The following KGD4 variants were observed in gnomAD, a reference collection of about 807,000 sequenced individuals.
The protein encoded by KGD4 is alpha-ketoglutarate dehydrogenase subunit 4, also known as alpha-ketoglutarate dehydrogenase component 4.
At chr5:69,217,784 C>A in the KGD4 span, 6 of 1,612,244 alleles carry the variant, frequency 3.7e-6, no homozygotes, top group East Asian at 6.7e-5. Flanking sequence ...CTCCAGTGAT[C>A]GCCGCGGCTC....
At chr5:69,223,037 A>G in the KGD4 span, among the ~76,000 whole-genome samples, 1 of 140,746 alleles carries the variant, frequency 7.1e-6, no homozygotes, top group Non-Finnish European at 1.5e-5. Flanking sequence ...TGGCCTCTCA[A>G]AGTGCTGGGA....
chr5:69,229,902 G>C, the KGD4 span: 1 of 151,810 alleles, frequency 6.6e-6, no homozygotes, highest in African/African-American at 2.4e-5. Context: ...GATTTCACTA[G>C]AAATTGCAAT....
chr5:69,225,765 G>C, the KGD4 span, among the ~76,000 whole-genome samples: 1 of 152,032 alleles, frequency 6.6e-6, no homozygotes, highest in Non-Finnish European at 1.5e-5. Context: ...ATTTTTAGTA[G>C]AGATGGGGTT....
the KGD4 span, chr5:69,229,481 C>T: frequency 1.5e-5 from 5 of 337,754 alleles, no homozygotes; most frequent in Admixed American, 4.5e-5. Context: ...TATTAATTTA[C>T]TCTTGATTAT....
chr5:69,228,476 C>A, the KGD4 span: 2 of 1,289,646 alleles, frequency 1.6e-6, no homozygotes, highest in Non-Finnish European at 2.2e-6. Flanking sequence ...CATGCTATTC[C>A]TATTGTCTTG....
the KGD4 span, among the ~76,000 whole-genome samples, chr5:69,223,297 T>C: frequency 6.5e-3 from 989 of 151,762 alleles, 5 homozygotes; most frequent in African/African-American, 0.022. Context: ...GCCAGAATGG[T>C]CTCGATCTCC....
At chr5:69,225,568 T>G in the KGD4 span, among the ~76,000 whole-genome samples, 1 of 101,064 alleles carries the variant, frequency 9.9e-6, no homozygotes, top group Non-Finnish European at 2.0e-5. Context: ...CTCAGCCACC[T>G]TTTTTTTTTT....
chr5:69,221,578 T>C, the KGD4 span, among the ~76,000 whole-genome samples: 1 of 152,216 alleles, frequency 6.6e-6, no homozygotes, highest in African/African-American at 2.4e-5. Flanking sequence ...GATATCCATC[T>C]AGACACAGAC....
At chr5:69,226,266 A>C in the KGD4 span, 100 of 1,030,702 alleles carry the variant, frequency 9.7e-5, no homozygotes, top group Middle Eastern at 9.4e-4. Flanking sequence ...AAACGTATCT[A>C]CTTATGAGGT....
the KGD4 span, among the ~76,000 whole-genome samples, chr5:69,224,798 G>T: frequency 6.6e-6 from 1 of 151,970 alleles, no homozygotes; most frequent in Admixed American, 6.6e-5. Flanking sequence ...ATTTCTGCCG[G>T]GTGCGGTGGC....
At chr5:69,217,810 A>G in the KGD4 span, 6 of 1,611,454 alleles carry the variant, frequency 3.7e-6, no homozygotes, top group African/African-American at 1.4e-5. Flanking sequence ...CGCCCCGGAA[A>G]CTGCCCCTTC....
At chr5:69,220,987 T>G in the KGD4 span, among the ~76,000 whole-genome samples, 1 of 152,158 alleles carries the variant, frequency 6.6e-6, no homozygotes, top group Non-Finnish European at 1.5e-5. Flanking sequence ...GAAGGCAGCA[T>G]GCTCGTTAAG....
the KGD4 span, among the ~76,000 whole-genome samples, chr5:69,227,438 A>T: frequency 6.6e-6 from 1 of 152,148 alleles, no homozygotes; most frequent in Non-Finnish European, 1.5e-5. Context: ...TTTATTCAAA[A>T]TTAATGGGAG....
the KGD4 span, among the ~76,000 whole-genome samples, chr5:69,219,877 A>G: frequency 6.6e-6 from 1 of 152,208 alleles, no homozygotes; most frequent in African/African-American, 2.4e-5. Context: ...TACATATAAC[A>G]TTAGCAAAAT....
At chr5:69,225,798 C>G in the KGD4 span, among the ~76,000 whole-genome samples, 1 of 152,184 alleles carries the variant, frequency 6.6e-6, no homozygotes, top group Admixed American at 6.6e-5. Context: ...CCAGGCTGGT[C>G]TTGAACTCCT....
chr5:69,219,451 G>A, the KGD4 span, among the ~76,000 whole-genome samples: 1 of 152,106 alleles, frequency 6.6e-6, no homozygotes, highest in Non-Finnish European at 1.5e-5. Flanking sequence ...TGGGGTCCCT[G>A]GCTCTATTTC....
the KGD4 span, among the ~76,000 whole-genome samples, chr5:69,219,961 G>A: frequency 9.9e-5 from 15 of 152,228 alleles, no homozygotes; most frequent in Non-Finnish European, 1.2e-4. Context: ...CAGGCTCACT[G>A]ATGTATGCCT....
At chr5:69,221,565 T>C in the KGD4 span, among the ~76,000 whole-genome samples, 1 of 152,064 alleles carries the variant, frequency 6.6e-6, no homozygotes, top group Non-Finnish European at 1.5e-5. Context: ...GCTGAAAAAA[T>C]TGGATATCCA....
chr5:69,219,138 T>C, the KGD4 span, among the ~76,000 whole-genome samples: 2,612 of 152,248 alleles, frequency 0.017, 75 homozygotes, highest in Admixed American at 0.092. Context: ...AATTTAGACG[T>C]CAGTGGTGAT....
Sources: gnomAD v4.1 joint callset for allele counts (sites outside exome capture counted in the v4.1 genomes callset) on GRCh38, gnomAD v4.1.1 for gene constraint, MANE v1.5 for transcripts, NCBI Gene and HGNC (gene_info 2026-07-23, HGNC 2026-07-21) for gene names.